The following FAM117B variants were observed in gnomAD, a reference collection of about 807,000 sequenced individuals.
FAM117B encodes protein FAM117B.
A neutral mutation model predicts 52.8 loss-of-function variants in FAM117B; 22 were observed. That is an observed-to-expected ratio of 0.42 (90% CI 0.30 to 0.59). The LOEUF (loss-of-function observed/expected upper bound fraction) is 0.59, where lower values mean the gene tolerates loss of function less well. FAM117B is among the 20% of genes least tolerant of loss of function. FAM117B has a pLI of 0.22. For synonymous variants in FAM117B, 309 were observed against 324.1 expected (o/e 0.95, Z 0.50); for missense variants, 678 against 802.6 (o/e 0.84, Z 1.88).
intron 1 of FAM117B, among the ~76,000 whole-genome samples, chr2:202,689,946 A>G (rs1430330374): frequency 1.3e-5 from 2 of 151,592 alleles, no homozygotes; most frequent in Admixed American, 1.3e-4. Flanking sequence ...TGTCTCCAAG[A>G]AAAAAAAAGT....
rs201020072 is a variant in FAM117B, at chr2:202,730,722, A to G, written c.960+4359A>G. Among the ~76,000 whole-genome samples the G allele has an allele frequency of 1.4e-4, 22 of 152,348 alleles. No individual in the cohort carries two copies. The East Asian group carries it at 2.1e-3, about 15-fold the overall frequency. On this transcript the variant is annotated intron_variant, in intron 4 of 7. Transcript: ENST00000392238. ...GAAATAGGATTTTAGAAGTTTATCT[A>G]TCTACCTCAGCACCATATATAAAAG...
chr2:202,678,234 A>G (rs1015806233), intron 1 of FAM117B, among the ~76,000 whole-genome samples: 2 of 152,214 alleles, frequency 1.3e-5, no homozygotes, highest in African/African-American at 4.8e-5. Context: ...GAGAGAAGGA[A>G]GAAGCTCCCT....
chr2:202,733,495 G>A (rs548353629), intron 4 of FAM117B, among the ~76,000 whole-genome samples: 3 of 152,202 alleles, frequency 2.0e-5, no homozygotes, highest in East Asian at 3.9e-4. Flanking sequence ...CACTCCCAGA[G>A]CGGCTGTTTA....
chr2:202,635,330 AGC>A lies in FAM117B; in HGVS notation c.144_145del (p.Gln49AlafsTer153). On this transcript the variant is annotated frameshift_variant, in exon 1 of 8. Transcript: ENST00000392238. LOFTEE classifies it high-confidence loss of function. ...CCGTTCCAGCTGAAGCAGCAGCAGC[AGC>A]AGCAACATGGCAGCCCCACGCGGAG... 7.1e-7 allele frequency: 1 copy of A among 1,418,296 alleles called. No individual in the cohort carries two copies. The highest frequency in any genetic ancestry group is 9.2e-7 in the Non-Finnish European group (1 of 1,085,276). The allele number at this position is 1,418,296 out of a possible 1,614,324, so 87.9% of individuals were successfully genotyped here.
At chr2:202,681,709 T>A (rs1690465294) in intron 1 of FAM117B, among the ~76,000 whole-genome samples, 1 of 152,232 alleles carries the variant, frequency 6.6e-6, no homozygotes. Context: ...TTAATAACAT[T>A]GTCAACAAAT....
At chr2:202,699,347 A>ACC (rs1454947135) in intron 2 of FAM117B, among the ~76,000 whole-genome samples, 411 of 148,658 alleles carry the variant, frequency 2.8e-3, no homozygotes, top group Non-Finnish European at 3.6e-3. Flanking sequence ...GAATTGCTTG[A>ACC]ACCCGGGAGG....
intron 1 of FAM117B, among the ~76,000 whole-genome samples, chr2:202,653,997 C>T (rs527718812): frequency 2.6e-5 from 4 of 151,366 alleles, no homozygotes; most frequent in East Asian, 3.9e-4. Flanking sequence ...GAGGTAGACT[C>T]GTGATTGCCA....
At chr2:202,721,418 TG>T (rs1197080922) in intron 2 of FAM117B, among the ~76,000 whole-genome samples, 5 of 152,222 alleles carry the variant, frequency 3.3e-5, no homozygotes, top group Non-Finnish European at 2.9e-5. Flanking sequence ...GAAATTATTA[TG>T]GTCATTTTTT....
intron 1 of FAM117B, among the ~76,000 whole-genome samples, chr2:202,691,686 T>TGTGTGTGCGC: frequency 6.7e-6 from 1 of 149,944 alleles, no homozygotes; most frequent in African/African-American, 2.5e-5. Flanking sequence ...TGTGTGTGTG[T>TGTGTGTGCGC]GTGTGTGTGT....
At chr2:202,696,450 A>G (rs1330912919) in intron 2 of FAM117B, among the ~76,000 whole-genome samples, 2 of 152,222 alleles carry the variant, frequency 1.3e-5, no homozygotes, top group Admixed American at 6.5e-5. Context: ...ATGTTTTAAG[A>G]AAGTTTACGA....
chr2:202,751,151 A>G (rs1691714814), intron 4 of FAM117B, among the ~76,000 whole-genome samples: 1 of 152,232 alleles, frequency 6.6e-6, no homozygotes, highest in Non-Finnish European at 1.5e-5. Context: ...GCAAATTTGC[A>G]AAATTATTTT....
chr2:202,733,426 G>C (rs890024045), intron 4 of FAM117B, among the ~76,000 whole-genome samples: 1 of 152,142 alleles, frequency 6.6e-6, no homozygotes, highest in African/African-American at 2.4e-5. Flanking sequence ...TAATAAGCCT[G>C]AGGGTACTAC....
In FAM117B at chr2:202,642,635, T is replaced by C. The variant is rs561151725; in HGVS notation, c.601+6847T>C. 2.0e-5 allele frequency among the ~76,000 whole-genome samples: 3 copies of C among 152,276 alleles called. No homozygotes were observed. In the South Asian group the frequency reaches 6.2e-4, roughly 32 times the overall value. On this transcript the variant is annotated intron_variant, in intron 1 of 7. Transcript: ENST00000392238. Reference sequence around the variant, plus strand: ...GGTTTGTGCTCTCAGGAACTTCAGATAATTTTCTAGATTGTGGCAAATAAC... The same window carrying C: ...GGTTTGTGCTCTCAGGAACTTCAGACAATTTTCTAGATTGTGGCAAATAAC...
At chr2:202,731,562 C>G (rs1309333325) in intron 4 of FAM117B, among the ~76,000 whole-genome samples, 1 of 151,376 alleles carries the variant, frequency 6.6e-6, no homozygotes, top group Non-Finnish European at 1.5e-5. Flanking sequence ...TCCTGAGTAG[C>G]TGGGATTACA....
intron 2 of FAM117B, 69 bp downstream of exon 2, chr2:202,696,101 C>T: frequency 6.6e-7 from 1 of 1,522,462 alleles, no homozygotes; most frequent in East Asian, 2.3e-5. Flanking sequence ...ATTATTTGTT[C>T]TGCTTTGAGT....
intron 1 of FAM117B, among the ~76,000 whole-genome samples, chr2:202,670,556 G>A (rs576806769): frequency 1.2e-4 from 18 of 151,928 alleles, no homozygotes; most frequent in Non-Finnish European, 2.2e-4. Context: ...CCAAAGTACT[G>A]GGATAAGCCA....
intron 1 of FAM117B, among the ~76,000 whole-genome samples, chr2:202,639,290 A>T (rs928342339): frequency 6.6e-6 from 1 of 152,202 alleles, no homozygotes; most frequent in Non-Finnish European, 1.5e-5. Context: ...CAAGATCCCT[A>T]TCCAGTTGCT....
At chr2:202,655,944 G>A (rs1690050528) in intron 1 of FAM117B, among the ~76,000 whole-genome samples, 1 of 152,158 alleles carries the variant, frequency 6.6e-6, no homozygotes, top group South Asian at 2.1e-4. Flanking sequence ...AATAGATACA[G>A]GACTATTAGG....
chr2:202,704,485 C>T (rs1690844168), intron 2 of FAM117B, among the ~76,000 whole-genome samples: 1 of 152,184 alleles, frequency 6.6e-6, no homozygotes, highest in African/African-American at 2.4e-5. Context: ...CCTGTCTAGA[C>T]ACTGCTGCAG....
Sources: allele counts gnomAD v4.1 joint callset (sites outside exome capture counted in the v4.1 genomes callset), GRCh38; gene constraint gnomAD v4.1.1; transcripts MANE v1.5; gene names NCBI Gene and HGNC (gene_info 2026-07-23, HGNC 2026-07-21).